Variants in PCDHA7 observed in about 807,000 individuals in gnomAD.
PCDHA7 encodes the protein protocadherin alpha-7.
Under a neutral mutation model 57.2 loss-of-function variants are expected in PCDHA7, and 37 were observed. The ratio of observed to expected loss-of-function variants is 0.65; its 90% CI spans 0.50 to 0.85. The LOEUF is 0.85. Ranked by LOEUF, PCDHA7 falls within the 40% of genes least tolerant of loss-of-function variation. The pLI, the probability that PCDHA7 is intolerant of heterozygous loss-of-function variation, is 0.00. For missense variants in PCDHA7, 1,188 were observed against 1,241.8 expected (o/e 0.96, Z 0.65); for synonymous variants, 553 against 558.8 (o/e 0.99, Z 0.15).
At chr5:140,853,686 T>C (rs2042832936) in intron 1 of PCDHA7, 1 of 988,118 alleles carries the variant, frequency 1.0e-6, no homozygotes, top group Middle Eastern at 5.3e-4. Flanking sequence ...CAACCTATCC[T>C]TAGACCTGCT....
Position 140,836,297 on chromosome 5 carries a change from T to A in PCDHA7, c.1914T>A (p.Asp638Glu). The A allele has an allele frequency of 1.2e-6, 2 of 1,613,694 alleles. No individual in the cohort carries two copies. Among genetic ancestry groups the A allele is most frequent in the Non-Finnish European group, 1.7e-6 (2 of 1,179,804 alleles). The change falls in exon 1 of 4, where the codon GAT (aspartate) becomes GAA (glutamate). Residue 638 changes from aspartate to glutamate, a missense_variant. Coordinates refer to ENST00000525929, the MANE Select transcript of PCDHA7 (RefSeq NM_018910.3). ...AGATCAGCACGACACGAGCCCTAGATGAGACGGACGCACCGCGCCACCGCC... is the reference window on the plus strand; with the variant it reads ...AGATCAGCACGACACGAGCCCTAGAAGAGACGGACGCACCGCGCCACCGCC... ...TGEISTTRAL[D>E]ETDAPRHRLL... is the part of the protein sequence containing the mutation.
chr5:140,849,729 G>C lies in PCDHA7; in HGVS notation c.2355+12991G>C, dbSNP rs1180272167. 2.5e-6 allele frequency: 4 copies of C among 1,598,492 alleles called. 1 individual carries two copies. Among genetic ancestry groups the C allele is most frequent in the Non-Finnish European group, 3.4e-6 (4 of 1,168,006 alleles). On this transcript the variant is annotated intron_variant, in intron 1 of 3. Coordinates refer to ENST00000525929, the MANE Select transcript of PCDHA7 (RefSeq NM_018910.3). Reference sequence around the variant, plus strand: ...TTACTACTCGTTGGTGCTGGACAGAGCTCTGGACCGCGAGAGTGTGTCCGC... The same window carrying C: ...TTACTACTCGTTGGTGCTGGACAGACCTCTGGACCGCGAGAGTGTGTCCGC...
chr5:140,909,550 A>C (rs549281873), intron 1 of PCDHA7, among the ~76,000 whole-genome samples: 2 of 152,232 alleles, frequency 1.3e-5, no homozygotes, highest in East Asian at 3.9e-4. Context: ...GGTGGCACTA[A>C]TCTCTGCAAC....
At chr5:141,006,050 G>A (rs1554260524) in intron 3 of PCDHA7, among the ~76,000 whole-genome samples, 1 of 151,092 alleles carries the variant, frequency 6.6e-6, no homozygotes, top group African/African-American at 2.4e-5. Flanking sequence ...GTAGATGAGA[G>A]TGGAGAAGAA....
At chr5:140,912,385 C>A (rs1323082765) in intron 1 of PCDHA7, among the ~76,000 whole-genome samples, 6 of 148,114 alleles carry the variant, frequency 4.1e-5, no homozygotes, top group African/African-American at 1.5e-4. Context: ...GGATTGAGTT[C>A]TTAATTTGAT....
At chr5:140,918,432 T>C (rs1462854272) in intron 1 of PCDHA7, among the ~76,000 whole-genome samples, 2 of 152,204 alleles carry the variant, frequency 1.3e-5, no homozygotes, top group Non-Finnish European at 2.9e-5. Context: ...GGATGTTGAA[T>C]AGGAGTGGTG....
chr5:140,994,962 T>C (rs2097657475), intron 3 of PCDHA7, among the ~76,000 whole-genome samples: 2 of 152,208 alleles, frequency 1.3e-5, no homozygotes, highest in Admixed American at 1.3e-4. Flanking sequence ...TGTAGTTTCA[T>C]TTGTTGGCCA....
At chr5:140,943,349 T>C (rs1429038452) in intron 1 of PCDHA7, among the ~76,000 whole-genome samples, 1 of 147,572 alleles carries the variant, frequency 6.8e-6, no homozygotes, top group East Asian at 2.0e-4. Flanking sequence ...AGGATGAGAG[T>C]AGAGGAAAGG....
At chr5:140,847,099 C>T (rs1780855366) in intron 1 of PCDHA7, among the ~76,000 whole-genome samples, 1 of 149,656 alleles carries the variant, frequency 6.7e-6, no homozygotes. Context: ...TTGGTTAAAA[C>T]ACACAGTCTG....
In PCDHA7 at chr5:140,835,890, G is replaced by T. The variant is rs147416989; in HGVS notation, c.1507G>T (p.Ala503Ser). ...SLVELRVGER[A>S]LSSYVSVHAE... Reference sequence around the variant, plus strand: ...GGTGGAGCTGCGGGTGGGCGAGCGCGCGCTGTCGAGCTACGTGTCAGTGCA... The same window carrying T: ...GGTGGAGCTGCGGGTGGGCGAGCGCTCGCTGTCGAGCTACGTGTCAGTGCA... Residue 503 changes from alanine (A) to serine (S), a missense_variant, in exon 1 of 4, where the codon GCG becomes TCG. Physicochemically the swap from Ala to Ser is moderately conservative, Grantham distance 99. Around this residue, in one of 3 missense-constraint regions of PCDHA7, gnomAD observed 892 missense variants for 788.5 expected, o/e 1.13. Coordinates refer to ENST00000525929, the MANE Select transcript of PCDHA7 (RefSeq NM_018910.3). 490 of 1,611,966 alleles carry T rather than the reference G, an allele frequency of 3.0e-4. 3 individuals carry two copies. In the African/African-American group the frequency reaches 5.1e-3, roughly 17 times the overall value.
chr5:140,999,574 A>G (rs2097863527), intron 3 of PCDHA7, among the ~76,000 whole-genome samples: 1 of 152,170 alleles, frequency 6.6e-6, no homozygotes, highest in South Asian at 2.1e-4. Context: ...AAGAGACTAT[A>G]AAGGGAAATT....
intron 1 of PCDHA7, among the ~76,000 whole-genome samples, chr5:140,924,901 A>AAAAAAAATAAAT (rs369245222): frequency 1.2e-5 from 1 of 80,456 alleles, no homozygotes; most frequent in Non-Finnish European, 2.7e-5. Flanking sequence ...TCTCAAAAAA[A>AAAAAAAATAAAT]AAAATAAAAT....
chr5:140,943,057 G>A (rs907618778), intron 1 of PCDHA7, among the ~76,000 whole-genome samples: 2 of 151,996 alleles, frequency 1.3e-5, no homozygotes, highest in African/African-American at 4.8e-5. Context: ...AGGAGTTCAA[G>A]AACAGCCTGA....
At chr5:140,877,705 G>A (rs974017564) in intron 1 of PCDHA7, 1 of 1,614,016 alleles carries the variant, frequency 6.2e-7, no homozygotes, top group South Asian at 1.1e-5. Flanking sequence ...CTCCAGCGCC[G>A]TGGGGAGTTG....
chr5:140,928,149 T>G (rs782254175), intron 1 of PCDHA7: 3 of 1,614,194 alleles, frequency 1.9e-6, no homozygotes, highest in Non-Finnish European at 2.5e-6. Context: ...CGGCCTCAGA[T>G]AGTGGCTCAC....
At chr5:140,969,592 A>G (rs547411191) in intron 1 of PCDHA7, 72 of 829,536 alleles carry the variant, frequency 8.7e-5, no homozygotes, top group Middle Eastern at 3.7e-4. Context: ...TAGTCTTAAT[A>G]TTTAATGCTA....
rs1351628380 is a variant in PCDHA7, at chr5:140,928,607, G to A, written c.2356-50342G>A. ...TCTGTCCCAGTGGAAATTGTGCCCC[G>A]CTCTGCCAGGACTGGACACTTGGTC... On this transcript the variant is annotated intron_variant, in intron 1 of 3. Coordinates refer to ENST00000525929, the MANE Select transcript of PCDHA7 (RefSeq NM_018910.3). 3.1e-6 allele frequency: 5 copies of A among 1,614,068 alleles called. No homozygotes were observed. In the South Asian group the frequency reaches 3.3e-5, roughly 11 times the overall value.
chr5:140,948,547 A>G (rs1054072354), intron 1 of PCDHA7, among the ~76,000 whole-genome samples: 9 of 151,490 alleles, frequency 5.9e-5, no homozygotes, highest in Admixed American at 5.9e-4. Flanking sequence ...ATGCTCTGTC[A>G]ATTTTGTTAA....
chr5:140,842,193 A>G, intron 1 of PCDHA7: 1 of 1,613,816 alleles, frequency 6.2e-7, no homozygotes, highest in Non-Finnish European at 8.5e-7. Context: ...ATGGTTATTG[A>G]CCACTTTAGC....
Sources: allele counts gnomAD v4.1 joint callset (sites outside exome capture counted in the v4.1 genomes callset), GRCh38; gene constraint gnomAD v4.1.1; regional missense constraint gnomAD v4.1.1; transcripts MANE v1.5; gene names NCBI Gene and HGNC (gene_info 2026-07-23, HGNC 2026-07-21).